DESI2: variants seen among roughly 807,000 people sequenced by gnomAD.
DESI2 encodes the protein deubiquitinase DESI2.
Under a neutral mutation model 24.1 loss-of-function variants are expected in DESI2, and 10 were observed. The observed-to-expected ratio is 0.41, with a 90% CI of 0.26 to 0.70. The LOEUF is 0.70. Among genes scored for constraint, DESI2 ranks in the 30% least tolerant of loss-of-function variants. DESI2 has a pLI of 0.29. For missense variants in DESI2, 122 were observed against 234.9 expected (o/e 0.52, Z 3.14); for synonymous variants, 71 against 87.7 (o/e 0.81, Z 1.06).
intron 4 of DESI2, among the ~76,000 whole-genome samples, chr1:244,699,461 A>G (rs1246252447): frequency 6.6e-6 from 1 of 151,718 alleles, no homozygotes; most frequent in Non-Finnish European, 1.5e-5. Context: ...GCGGACCTGT[A>G]GTCCCAGCTA....
chr1:244,706,704 A>C lies in DESI2; in HGVS notation c.*915A>C, dbSNP rs565281082. 6.6e-6 allele frequency: 1 copy of C among 152,576 alleles called. No individual in the cohort carries two copies. The highest frequency in any genetic ancestry group is 1.5e-5 in the Non-Finnish European group (1 of 68,044). 9.5% of individuals were successfully genotyped at this position (152,576 alleles called of 1,614,324 possible). ...AGTTGACATTCAGCTGCTTTTAACT[A>C]TTCAGGCTACCTTTTATACTAAACC... On this transcript the variant is annotated 3_prime_UTR_variant, in exon 5 of 5. Transcript: ENST00000302550.
chr1:244,663,830 A>G (rs1054013148), intron 1 of DESI2, among the ~76,000 whole-genome samples: 7 of 151,994 alleles, frequency 4.6e-5, no homozygotes, highest in South Asian at 4.2e-4. Flanking sequence ...CATCCTGGCT[A>G]ACACGGTGAA....
chr1:244,704,142 T>C (rs565127411), intron 4 of DESI2, among the ~76,000 whole-genome samples: 1 of 152,164 alleles, frequency 6.6e-6, no homozygotes, highest in South Asian at 2.1e-4. Context: ...GCTAAACTTT[T>C]AGGGAGAAAA....
chr1:244,671,459 T>C (rs1676242934), intron 1 of DESI2, among the ~76,000 whole-genome samples: 1 of 152,206 alleles, frequency 6.6e-6, no homozygotes, highest in Non-Finnish European at 1.5e-5. Flanking sequence ...CAATAGTTCT[T>C]TAACTAGTCT....
rs576531476 is a variant in DESI2 at position 244,665,776 on chromosome 1, A to G, written c.42+12421A>G. Among the ~76,000 whole-genome samples, 98 of 152,330 alleles carry G rather than the reference A, an allele frequency of 6.4e-4. No individual in the cohort carries two copies. In the Middle Eastern group the frequency reaches 0.01, roughly 16 times the overall value. ...AGCTGCAACATCACCTCTTCCCTGA[A>G]TCTGCATCCTGCAGACCTACTCTGA... On this transcript the variant is annotated intron_variant, in intron 1 of 4. Transcript: ENST00000302550.
rs763270053 is a variant in DESI2 at position 244,705,612 on chromosome 1, C to T, written c.408C>T (p.Ser136=). ...RWINRLAYFS[S]CIPFLQSCLP... ...TCAATCGACTTGCCTACTTCAGCTC[C>T]TGTATACCCTTTCTACAGAGTTGCC... The change falls in exon 5 of 5, where the codon TCC becomes TCT. Residue 136 remains serine, a synonymous_variant. Coordinates refer to ENST00000302550, the MANE Select transcript of DESI2 (RefSeq NM_016076.5). 1 of 1,614,216 alleles carries T rather than the reference C, an allele frequency of 6.2e-7. No homozygotes were observed. The highest frequency in any genetic ancestry group is 8.5e-7 in the Non-Finnish European group (1 of 1,180,032).
chr1:244,698,933 A>G (rs1222896832), intron 4 of DESI2, among the ~76,000 whole-genome samples: 1 of 152,130 alleles, frequency 6.6e-6, no homozygotes, highest in African/African-American at 2.4e-5. Context: ...TGTTGAGGGG[A>G]AAGCATATCA....
intron 4 of DESI2, among the ~76,000 whole-genome samples, chr1:244,697,815 A>G (rs1677280390): frequency 6.6e-6 from 1 of 152,192 alleles, no homozygotes; most frequent in Non-Finnish European, 1.5e-5. Context: ...TGGTTGGGCC[A>G]AAAATGTTAA....
intron 4 of DESI2, among the ~76,000 whole-genome samples, chr1:244,698,163 G>A (rs950526643): frequency 1.3e-5 from 2 of 152,198 alleles, no homozygotes; most frequent in African/African-American, 4.8e-5. Context: ...TCGCAGATGC[G>A]AGGGGGATTA....
chr1:244,689,199 G>A lies in DESI2; in HGVS notation c.116-50G>A, dbSNP rs780804493. Reference sequence around the variant, plus strand: ...TTATTAAAGCTAATTCAGCATTCTGGTTAAATTTTATGTGATACATACTAA... The same window carrying A: ...TTATTAAAGCTAATTCAGCATTCTGATTAAATTTTATGTGATACATACTAA... On this transcript the variant is annotated intron_variant, in intron 2 of 4. Coordinates refer to ENST00000302550, the MANE Select transcript of DESI2 (RefSeq NM_016076.5). This position sits in a 1 kb window ranked among gnomAD's most constrained non-coding sequence, Gnocchi z 4.0. 6 of 910,408 alleles carry A rather than the reference G, an allele frequency of 6.6e-6. No individual in the cohort carries two copies. Among genetic ancestry groups the A allele is most frequent in the Non-Finnish European group, 9.0e-6 (5 of 553,452 alleles). 56.4% of individuals were successfully genotyped at this position (910,408 alleles called of 1,614,324 possible).
chr1:244,697,297 C>G (rs111685471), intron 4 of DESI2, among the ~76,000 whole-genome samples: 5 of 152,012 alleles, frequency 3.3e-5, no homozygotes, highest in African/African-American at 1.2e-4. Context: ...CACTTGAGGT[C>G]AGGAGTTTGA....
At chr1:244,665,835 G>A (rs1372672822) in intron 1 of DESI2, among the ~76,000 whole-genome samples, 1 of 152,166 alleles carries the variant, frequency 6.6e-6, no homozygotes, top group Non-Finnish European at 1.5e-5. Flanking sequence ...ACAGTTGTGT[G>A]AGCCAGTTCC....
At chr1:244,657,709 T>C (rs1395640922) in intron 1 of DESI2, among the ~76,000 whole-genome samples, 1 of 152,250 alleles carries the variant, frequency 6.6e-6, no homozygotes, top group Non-Finnish European at 1.5e-5. Flanking sequence ...GCACGTTGGC[T>C]GTTGCCCTTG....
intron 2 of DESI2, among the ~76,000 whole-genome samples, chr1:244,688,238 T>C (rs1423698225): frequency 6.6e-6 from 1 of 152,232 alleles, no homozygotes; most frequent in Admixed American, 6.5e-5. Flanking sequence ...CTTTCCGTAC[T>C]ATAATTGAGA....
chr1:244,692,164 A>G lies in DESI2; in HGVS notation c.351+144A>G, dbSNP rs190887202. ...ATATGGTATTGTATTTCAATCTTGT[A>G]TGAATGACCTTTCCAGAGTTGGTAA... On this transcript the variant is annotated intron_variant, in intron 4 of 4. Coordinates refer to ENST00000302550, the MANE Select transcript of DESI2 (RefSeq NM_016076.5). 23 of 720,314 alleles carry G rather than the reference A, an allele frequency of 3.2e-5. 1 individual carries two copies. The East Asian group carries it at 6.4e-4, about 20-fold the overall frequency. The allele number at this position is 720,314 out of a possible 1,614,324, so 44.6% of individuals were successfully genotyped here. A position where few individuals can be genotyped will look rare whatever the true frequency, so the allele number is the denominator to read the frequency against.
intron 1 of DESI2, among the ~76,000 whole-genome samples, chr1:244,666,853 C>T (rs1364762405): frequency 6.6e-6 from 1 of 151,886 alleles, no homozygotes; most frequent in Non-Finnish European, 1.5e-5. Flanking sequence ...TGGCGGGTGG[C>T]AAAAGGCACT....
At chr1:244,676,772 T>C (rs1676427548) in intron 1 of DESI2, among the ~76,000 whole-genome samples, 1 of 148,174 alleles carries the variant, frequency 6.7e-6, no homozygotes, top group Non-Finnish European at 1.5e-5. Flanking sequence ...ATATATACAA[T>C]GTATATTTTA....
At chr1:244,679,166 C>G (rs1210162427) in intron 1 of DESI2, among the ~76,000 whole-genome samples, 5 of 152,082 alleles carry the variant, frequency 3.3e-5, no homozygotes, top group African/African-American at 7.2e-5. Flanking sequence ...TGTCAGCCTC[C>G]TGGGTAGCTG....
intron 1 of DESI2, chr1:244,653,948 C>T (rs1675556678): frequency 2.1e-6 from 1 of 471,216 alleles, no homozygotes. Flanking sequence ...GCTAACATTT[C>T]TCAAGAAAAT....
Sources: allele counts gnomAD v4.1 joint callset (sites outside exome capture counted in the v4.1 genomes callset), GRCh38; gene constraint gnomAD v4.1.1; non-coding constraint Gnocchi (gnomAD v3.1); transcripts MANE v1.5; gene names NCBI Gene and HGNC (gene_info 2026-07-23, HGNC 2026-07-21).